ME1: variants seen among roughly 807,000 people sequenced by gnomAD.
ME1 encodes NADP-dependent malic enzyme.
Under a neutral mutation model 66.4 loss-of-function variants are expected in ME1, and 74 were observed. The observed-to-expected ratio is 1.11, with a 90% CI of 0.92 to 1.35. The LOEUF (loss-of-function observed/expected upper bound fraction) is 1.35, where lower values mean the gene tolerates loss of function less well. Among genes scored for constraint, ME1 ranks in the 40% most tolerant of loss-of-function variants. The pLI is 0.00. For missense variants in ME1, 750 were observed against 694.1 expected, an observed-to-expected ratio of 1.08 and a Z score of -0.90; for synonymous variants, 251 against 235.6, an observed-to-expected ratio of 1.07 and a Z score of -0.60.
intron 3 of ME1, among the ~76,000 whole-genome samples, chr6:83,375,500 C>T (rs1174032012): frequency 6.6e-6 from 1 of 152,014 alleles, no homozygotes; most frequent in East Asian, 1.9e-4. Context: ...TGGGCTGAGA[C>T]CTTGGGGTTT....
At chr6:83,265,730 T>C (rs1307416978) in intron 6 of ME1, among the ~76,000 whole-genome samples, 2 of 152,222 alleles carry the variant, frequency 1.3e-5, no homozygotes, top group African/African-American at 2.4e-5. Flanking sequence ...CAAATGAATA[T>C]GAATGTTATT....
In ME1 at chr6:83,253,833, T is replaced by G. The variant is rs1432479922; in HGVS notation, c.705-95A>C. Reference sequence around the variant, plus strand: ...AGCCCATAGAAATAGGAAAACATTATTTCCTTTTAAAGGTTCTATCTTGCT... The same window carrying G: ...AGCCCATAGAAATAGGAAAACATTAGTTCCTTTTAAAGGTTCTATCTTGCT... On this transcript the variant is annotated intron_variant, in intron 6 of 13. Coordinates refer to ENST00000369705, the MANE Select transcript of ME1 (RefSeq NM_002395.6). 3 of 634,512 alleles carry G rather than the reference T, an allele frequency of 4.7e-6. No homozygotes were observed. In the Admixed American group the frequency reaches 7.8e-5, roughly 16 times the overall value. 39.3% of individuals were successfully genotyped at this position (634,512 alleles called of 1,614,324 possible). A position where few individuals can be genotyped will look rare whatever the true frequency, so the allele number is the denominator to read the frequency against.
intron 5 of ME1, among the ~76,000 whole-genome samples, chr6:83,324,698 A>G (rs1317665879): frequency 1.4e-5 from 2 of 146,168 alleles, no homozygotes; most frequent in African/African-American, 5.1e-5. Flanking sequence ...CTGTGGTATT[A>G]ATTAATAGCC....
chr6:83,381,178 C>T (rs1285036340), intron 3 of ME1, among the ~76,000 whole-genome samples: 3 of 151,916 alleles, frequency 2.0e-5, no homozygotes, highest in Admixed American at 6.6e-5. Context: ...AGCACTCCAC[C>T]CCCACATTAA....
intron 9 of ME1, among the ~76,000 whole-genome samples, chr6:83,237,281 AAGGAAG>A: frequency 5.5e-5 from 3 of 54,366 alleles, no homozygotes; most frequent in African/African-American, 8.2e-5. Flanking sequence ...GAAAGAAAGG[AAGGAAG>A]GAAGGAAAGA....
At chr6:83,389,768 G>T (rs1440383615) in intron 3 of ME1, among the ~76,000 whole-genome samples, 1 of 151,750 alleles carries the variant, frequency 6.6e-6, no homozygotes, top group African/African-American at 2.4e-5. Context: ...AGGAAGCTCA[G>T]CAGTCTGCAA....
chr6:83,281,199 T>C (rs941263205), intron 6 of ME1, among the ~76,000 whole-genome samples: 1 of 152,226 alleles, frequency 6.6e-6, no homozygotes, highest in Non-Finnish European at 1.5e-5. Flanking sequence ...TAGGAAGACT[T>C]ATGCCATGGT....
intron 6 of ME1, among the ~76,000 whole-genome samples, chr6:83,313,234 G>C (rs1767963572): frequency 6.6e-6 from 1 of 152,030 alleles, no homozygotes; most frequent in Non-Finnish European, 1.5e-5. Context: ...TCATTTTCCT[G>C]AAACAATGTT....
intron 3 of ME1, among the ~76,000 whole-genome samples, chr6:83,355,085 T>TTATAAGTTCTTTATAAGGTATATA: frequency 6.6e-6 from 1 of 152,216 alleles, no homozygotes; most frequent in African/African-American, 2.4e-5. Context: ...TCAAAATTGA[T>TTATAAGTTCTTTATAAGGTATATA]TATAAGTTCT....
chr6:83,393,714 C>G (rs1769676492), intron 3 of ME1, among the ~76,000 whole-genome samples: 1 of 151,992 alleles, frequency 6.6e-6, no homozygotes, highest in African/African-American at 2.4e-5. Context: ...CTTAGTATCT[C>G]TCAGAAACAA....
chr6:83,362,796 C>A (rs1009484599), intron 3 of ME1, among the ~76,000 whole-genome samples: 8 of 152,212 alleles, frequency 5.3e-5, no homozygotes, highest in African/African-American at 1.9e-4. Context: ...TCTGTGGACT[C>A]ACAGAATGCC....
At chr6:83,405,343 T>C (rs1769919335) in intron 2 of ME1, among the ~76,000 whole-genome samples, 1 of 152,238 alleles carries the variant, frequency 6.6e-6, no homozygotes, top group African/African-American at 2.4e-5. Flanking sequence ...TTGTGACTTT[T>C]GCACATTGAT....
At chr6:83,285,490 T>C (rs1767379587) in intron 6 of ME1, among the ~76,000 whole-genome samples, 1 of 152,174 alleles carries the variant, frequency 6.6e-6, no homozygotes, top group Non-Finnish European at 1.5e-5. Context: ...AAGTAAACTA[T>C]GTACCATGTT....
intron 3 of ME1, among the ~76,000 whole-genome samples, chr6:83,395,743 G>A (rs1769718712): frequency 6.6e-6 from 1 of 151,592 alleles, no homozygotes; most frequent in Non-Finnish European, 1.5e-5. Flanking sequence ...CAAAGTGCTG[G>A]GATTACAGGT....
intron 6 of ME1, among the ~76,000 whole-genome samples, chr6:83,257,601 A>G (rs2128528886): frequency 6.6e-6 from 1 of 152,300 alleles, no homozygotes; most frequent in Non-Finnish European, 1.5e-5. Flanking sequence ...TTTATGTATG[A>G]TGCCGTTTAT....
At chr6:83,283,019 G>C (rs1357276371) in intron 6 of ME1, among the ~76,000 whole-genome samples, 1 of 151,284 alleles carries the variant, frequency 6.6e-6, no homozygotes, top group Non-Finnish European at 1.5e-5. Context: ...ACGAGGTCAG[G>C]AGATCGAGAC....
intron 6 of ME1, among the ~76,000 whole-genome samples, chr6:83,256,591 T>C (rs2128528717): frequency 6.6e-6 from 1 of 152,268 alleles, no homozygotes; most frequent in East Asian, 1.9e-4. Flanking sequence ...ACACTGTTAA[T>C]GGGAGTGTTA....
Position 83,397,362 on chromosome 6 carries a change from G to C in ME1, c.362+1005C>G, listed in dbSNP as rs116005238. On this transcript the variant is annotated intron_variant, in intron 3 of 13. Coordinates refer to ENST00000369705, the MANE Select transcript of ME1 (RefSeq NM_002395.6). Reference sequence around the variant, plus strand: ...AAAGAGGACATATAAATGACCTACAGGTTTATGAAAAATTGCTCAACATCA... The same window carrying C: ...AAAGAGGACATATAAATGACCTACACGTTTATGAAAAATTGCTCAACATCA... 5.8e-3 allele frequency among the ~76,000 whole-genome samples: 888 copies of C among 152,198 alleles called. 8 individuals are homozygous for C. Among genetic ancestry groups the C allele is most frequent in the African/African-American group, 0.02 (849 of 41,532 alleles).
chr6:83,255,728 C>G (rs912452100), intron 6 of ME1, among the ~76,000 whole-genome samples: 1 of 152,050 alleles, frequency 6.6e-6, no homozygotes, highest in African/African-American at 2.4e-5. Context: ...ATAGTAGGGT[C>G]TGTTTCTGTG....
Sources: allele counts gnomAD v4.1 joint callset (sites outside exome capture counted in the v4.1 genomes callset), GRCh38; gene constraint gnomAD v4.1.1; transcripts MANE v1.5; gene names NCBI Gene and HGNC (gene_info 2026-07-23, HGNC 2026-07-21).